Variants in PEPD observed in about 807,000 individuals in gnomAD.
PEPD encodes peptidase D, also known as xaa-Pro dipeptidase.
Under a neutral mutation model 60.7 loss-of-function variants are expected in PEPD, and 53 were observed. The observed-to-expected ratio is 0.87, with a 90% CI of 0.70 to 1.10. The LOEUF is 1.10. PEPD is among the 50% of genes least tolerant of loss of function. PEPD has a pLI of 0.00. For missense variants in PEPD, 711 were observed against 711.9 expected (o/e 1.00, Z 0.01); for synonymous variants, 267 against 284.1 (o/e 0.94, Z 0.60).
At chr19:33,519,491 C>T (rs1418501344) in intron 1 of PEPD, among the ~76,000 whole-genome samples, 2 of 152,226 alleles carry the variant, frequency 1.3e-5, no homozygotes, top group Non-Finnish European at 2.9e-5. Context: ...CCTCGTTATG[C>T]CTGACTCTAT....
chr19:33,411,472 G>T (rs949389506), intron 11 of PEPD, among the ~76,000 whole-genome samples, 200 bp downstream of exon 11: 5 of 152,190 alleles, frequency 3.3e-5, no homozygotes, highest in African/African-American at 1.2e-4. Context: ...GCTCCCTGGG[G>T]GGTGCAGGCT....
At chr19:33,465,098 C>T (rs1001410232) in intron 7 of PEPD, among the ~76,000 whole-genome samples, 6 of 152,236 alleles carry the variant, frequency 3.9e-5, no homozygotes, top group East Asian at 3.9e-4. Flanking sequence ...GCAGTGAGAA[C>T]GGAGTTGGCA....
At chr19:33,457,131 T>G (rs1053090114) in intron 9 of PEPD, among the ~76,000 whole-genome samples, 3 of 149,776 alleles carry the variant, frequency 2.0e-5, no homozygotes, top group Admixed American at 6.7e-5. Context: ...GGGACTCGGA[T>G]GAAAAGCAGA....
In PEPD at chr19:33,413,611, C is replaced by T. The variant is rs865991697; in HGVS notation, c.704G>A (p.Gly235Asp). 3 of 1,587,592 alleles carry T rather than the reference C, an allele frequency of 1.9e-6. No individual in the cohort carries two copies. The highest frequency in any genetic ancestry group is 1.8e-5 in the Admixed American group (1 of 56,910). Reference sequence around the variant, plus strand: ...GCAGGTGTAGGAGCTGTGGCGCATGCCGCCCCGGGAGTAGCAGTAGTGCTC... The same window carrying T: ...GCAGGTGTAGGAGCTGTGGCGCATGTCGCCCCGGGAGTAGCAGTAGTGCTC... ...LFEHYCYSRG[G>D]MRHSSYTCIC... The change falls in exon 10 of 15, where the codon GGC (glycine) becomes GAC (aspartate). Residue 235 changes from glycine (G) to aspartate (D), a missense_variant. By Grantham distance (94) the Gly-to-Asp change is moderately conservative. Transcript: ENST00000244137.
chr19:33,453,445 T>C (rs1374425135), intron 9 of PEPD, among the ~76,000 whole-genome samples: 3 of 152,244 alleles, frequency 2.0e-5, no homozygotes, highest in African/African-American at 7.2e-5. Flanking sequence ...TGCTTTCTTT[T>C]TTTAGAAATT....
At chr19:33,497,113 G>A (rs575102691) in intron 4 of PEPD, among the ~76,000 whole-genome samples, 2 of 152,370 alleles carry the variant, frequency 1.3e-5, no homozygotes, top group African/African-American at 4.8e-5. Context: ...GTAAACATCA[G>A]GAAACATCAC....
At position 33,417,303 on chromosome 19, in the gene PEPD, G is replaced by A. The variant is rs561039828; in HGVS notation, c.672-3660C>T. 2.9e-3 allele frequency among the ~76,000 whole-genome samples: 449 copies of A among 152,320 alleles called. 1 individual carries two copies. The highest frequency in any genetic ancestry group is 0.01 in the Middle Eastern group (3 of 292). On this transcript the variant is annotated intron_variant, in intron 9 of 14. Coordinates refer to ENST00000244137, the MANE Select transcript of PEPD (RefSeq NM_000285.4). ...AGGGGAGGCTGGGCCGGAAACAGAA[G>A]CTTGGGAGTGAAAATGCGCAGAGCT...
chr19:33,411,805 A>G, intron 10 of PEPD, 56 bp from the exon 11 acceptor site: 1 of 1,079,764 alleles, frequency 9.3e-7, no homozygotes, highest in South Asian at 1.3e-5. Context: ...CAGGCTCTGA[A>G]GGAGGGGGTG....
chr19:33,480,414 T>C (rs1363403313), intron 6 of PEPD, among the ~76,000 whole-genome samples: 4 of 152,002 alleles, frequency 2.6e-5, no homozygotes, highest in African/African-American at 4.8e-5. Context: ...ACTAACAAAA[T>C]TGGAGAGAGA....
At chr19:33,428,647 A>G (rs1600107516) in intron 9 of PEPD, among the ~76,000 whole-genome samples, 2 of 152,142 alleles carry the variant, frequency 1.3e-5, no homozygotes, top group African/African-American at 4.8e-5. Flanking sequence ...ACCTCTCACC[A>G]CCAAAAGCCC....
intron 6 of PEPD, among the ~76,000 whole-genome samples, chr19:33,484,785 C>A (rs539914627): frequency 3.9e-5 from 6 of 152,178 alleles, no homozygotes; most frequent in African/African-American, 1.4e-4. Flanking sequence ...CACTCAGACA[C>A]AAAAATATAC....
chr19:33,402,943 G>A (rs1457959174), intron 11 of PEPD, among the ~76,000 whole-genome samples: 1 of 152,204 alleles, frequency 6.6e-6, no homozygotes, highest in East Asian at 1.9e-4. Flanking sequence ...AGCAGGGCCC[G>A]GAAGGAGTAG....
chr19:33,470,460 C>A (rs1254164548), intron 7 of PEPD, among the ~76,000 whole-genome samples: 2 of 152,072 alleles, frequency 1.3e-5, no homozygotes, highest in Non-Finnish European at 2.9e-5. Context: ...CCTCTAGCAC[C>A]CACCCGAAAC....
intron 9 of PEPD, among the ~76,000 whole-genome samples, chr19:33,449,816 A>G (rs925531381): frequency 6.6e-6 from 1 of 152,204 alleles, no homozygotes; most frequent in Non-Finnish European, 1.5e-5. Context: ...TCTGAAACTG[A>G]TAAGGAAGCC....
intron 9 of PEPD, among the ~76,000 whole-genome samples, chr19:33,419,491 T>C (rs995325642): frequency 6.6e-6 from 1 of 152,178 alleles, no homozygotes; most frequent in Non-Finnish European, 1.5e-5. Context: ...GTCAGAACAA[T>C]GACGGGCTGG....
chr19:33,387,738 C>T (rs754860323), intron 14 of PEPD, 152 bp downstream of exon 14: 114 of 782,182 alleles, frequency 1.5e-4, no homozygotes, highest in Non-Finnish European at 2.1e-4. Flanking sequence ...AGGGGTGAGG[C>T]TCCATCCTGT....
At chr19:33,437,742 T>C (rs1286811816) in intron 9 of PEPD, among the ~76,000 whole-genome samples, 2 of 152,186 alleles carry the variant, frequency 1.3e-5, no homozygotes, top group Non-Finnish European at 2.9e-5. Context: ...AAGTAGGTGG[T>C]GTCATTAGGA....
intron 7 of PEPD, 47 bp from the exon 8 acceptor site, chr19:33,464,109 G>T: frequency 7.2e-7 from 1 of 1,381,978 alleles, no homozygotes; most frequent in Non-Finnish European, 1.0e-6. Context: ...CTTTCAGGAG[G>T]CACTGGCTGG....
At position 33,512,792 on chromosome 19, in the gene PEPD, C is replaced by A; in HGVS notation, c.18-16G>T. On this transcript the variant is annotated splice_polypyrimidine_tract_variant and intron_variant, in intron 1 of 14. Coordinates refer to ENST00000244137, the MANE Select transcript of PEPD (RefSeq NM_000285.4). ...AAACGAGGGTCTGCAGAGGCAAGAG[C>A]ACACACCGCCACACAGGCCTCTGTT... The A allele has an allele frequency of 1.2e-6, 2 of 1,613,316 alleles. No homozygotes were observed. The highest frequency in any genetic ancestry group is 1.7e-6 in the Non-Finnish European group (2 of 1,179,560).
Sources: allele counts gnomAD v4.1 joint callset (sites outside exome capture counted in the v4.1 genomes callset), GRCh38; gene constraint gnomAD v4.1.1; transcripts MANE v1.5; gene names NCBI Gene and HGNC (gene_info 2026-07-23, HGNC 2026-07-21).